Variants in PTPRK observed in about 807,000 individuals in gnomAD.
The protein encoded by PTPRK is protein tyrosine phosphatase receptor type K.
PTPRK carries 75 observed loss-of-function variants against 178.0 expected under a neutral mutation model. The ratio of observed to expected loss-of-function variants is 0.42; its 90% CI spans 0.35 to 0.51. PTPRK has a LOEUF of 0.51. PTPRK is among the 20% of genes least tolerant of loss of function. PTPRK has a pLI of 0.02. For missense variants in PTPRK, 1,441 were observed against 1,797.8 expected (o/e 0.80, Z 3.59); for synonymous variants, 637 against 620.6 (o/e 1.03, Z -0.39).
Position 127,990,769 on chromosome 6 carries a change from C to G in PTPRK, c.3096G>C (p.Arg1032Ser). The change falls in exon 21 of 30, where the codon AGG becomes AGC. Residue 1032 changes from arginine (R) to serine (S), a missense_variant and splice_region_variant. Arg to Ser is a moderately radical substitution (Grantham distance 110, BLOSUM62 -1). Around this residue, in one of 4 missense-constraint regions of PTPRK, gnomAD observed 945 missense variants for 1,080.6 expected, o/e 0.87. Transcript: ENST00000368226. Reference protein sequence around the residue: ...EYVVRTFTLERRGYNEIREVK... With the variant: ...EYVVRTFTLESRGYNEIREVK... ...TAAAATAGAATTTTAGAGTACTTACCCTTTCCAGGGTGAATGTCCTAACTA... is the reference window on the plus strand; with the variant it reads ...TAAAATAGAATTTTAGAGTACTTACGCTTTCCAGGGTGAATGTCCTAACTA... The G allele has an allele frequency of 1.3e-6, 2 of 1,580,778 alleles. No individual in the cohort carries two copies. The highest frequency in any genetic ancestry group is 2.2e-5 in the South Asian group (2 of 89,522).
At chr6:128,372,366 C>T (rs781773077) in intron 2 of PTPRK, among the ~76,000 whole-genome samples, 14 of 152,066 alleles carry the variant, frequency 9.2e-5, no homozygotes, top group South Asian at 2.1e-4. Context: ...ATTTTTTTAA[C>T]GCTTTGGGTG....
At chr6:128,191,724 GA>G (rs149545394) in intron 6 of PTPRK, among the ~76,000 whole-genome samples, 20,300 of 148,552 alleles carry the variant, frequency 0.14, 1,796 homozygotes, top group East Asian at 0.35. Context: ...AATCTGAAGC[GA>G]AAAAAAAAAT....
intron 7 of PTPRK, among the ~76,000 whole-genome samples, chr6:128,129,674 G>A (rs1793915238): frequency 6.6e-6 from 1 of 151,996 alleles, no homozygotes; most frequent in African/African-American, 2.4e-5. Flanking sequence ...GTGTACAGAC[G>A]AATGTATAAA....
intron 18 of PTPRK, chr6:127,995,145 A>C: frequency 1.8e-6 from 2 of 1,125,268 alleles, no homozygotes; most frequent in Non-Finnish European, 2.6e-6. Context: ...AATTAGGTGA[A>C]GCATGCAGAA....
chr6:128,051,278 A>C (rs542341330), intron 13 of PTPRK, among the ~76,000 whole-genome samples: 42 of 152,324 alleles, frequency 2.8e-4, no homozygotes, highest in African/African-American at 9.1e-4. Context: ...ACCATGCTTA[A>C]TAATTCTTTC....
chr6:128,344,101 G>C (rs1562321711), intron 2 of PTPRK, among the ~76,000 whole-genome samples: 1 of 152,196 alleles, frequency 6.6e-6, no homozygotes, highest in Non-Finnish European at 1.5e-5. Flanking sequence ...CCAAGCATTT[G>C]ATAGAACGTG....
chr6:128,247,352 G>C (rs1815659122), intron 3 of PTPRK, among the ~76,000 whole-genome samples: 1 of 151,684 alleles, frequency 6.6e-6, no homozygotes, highest in African/African-American at 2.4e-5. Flanking sequence ...CAGATTCTTG[G>C]TCTGTCACAC....
At chr6:128,186,487 CAT>C (rs1802785506) in intron 6 of PTPRK, among the ~76,000 whole-genome samples, 1 of 152,060 alleles carries the variant, frequency 6.6e-6, no homozygotes, top group South Asian at 2.1e-4. Context: ...AAGTGGTTAA[CAT>C]ATGATTTACA....
rs1463604526 is a variant in PTPRK, at chr6:128,519,161, A to G, written c.100+1098T>C. On this transcript the variant is annotated intron_variant, in intron 1 of 29. Transcript: ENST00000368226. The surrounding 1 kb of genome is among the most constrained non-coding windows in gnomAD (Gnocchi z 4.3). ...GCGAAGCTGGGTAGGTTGGCCAGAA[A>G]AGTTGTCAGGACTGGCGGGAGGTAG... 1 of 485,032 alleles carries G rather than the reference A, an allele frequency of 2.1e-6. No individual in the cohort carries two copies. Among genetic ancestry groups the G allele is most frequent in the African/African-American group, 2.0e-5 (1 of 50,636 alleles). 30.0% of individuals were successfully genotyped at this position (485,032 alleles called of 1,614,324 possible).
chr6:128,317,120 C>T (rs900580857), intron 3 of PTPRK, among the ~76,000 whole-genome samples: 4 of 151,986 alleles, frequency 2.6e-5, no homozygotes, highest in Non-Finnish European at 4.4e-5. Context: ...CTAGTTGTGG[C>T]TAACTTCAGA....
At chr6:128,005,917 CTT>C (rs890088564) in intron 14 of PTPRK, 3 of 827,666 alleles carry the variant, frequency 3.6e-6, no homozygotes, top group Non-Finnish European at 5.2e-6. Flanking sequence ...TCTGAAAAAA[CTT>C]TTTTTTTGAA....
rs79723285 is a variant in PTPRK at position 128,141,534 on chromosome 6, T to C, written c.1162+42898A>G. ...AAAAGCATAAACAAAACAAAACTCC[T>C]CACCTAAAATCCTGTTGAGATTTGG... is the stretch of plus-strand genomic sequence containing the variant. On this transcript the variant is annotated intron_variant, in intron 7 of 29. Coordinates refer to ENST00000368226, the MANE Select transcript of PTPRK (RefSeq NM_002844.4). Among the ~76,000 whole-genome samples the C allele has an allele frequency of 5.3e-4, 81 of 151,666 alleles. No homozygotes were observed. The East Asian group carries it at 0.015, about 28-fold the overall frequency.
intron 1 of PTPRK, among the ~76,000 whole-genome samples, chr6:128,459,304 C>T (rs906059516): frequency 2.6e-5 from 4 of 152,108 alleles, no homozygotes; most frequent in African/African-American, 4.8e-5. Context: ...TAGCCCATAG[C>T]TTTTATGCCC....
chr6:128,332,185 C>A (rs1830364808), intron 2 of PTPRK, among the ~76,000 whole-genome samples: 1 of 152,140 alleles, frequency 6.6e-6, no homozygotes, highest in Admixed American at 6.5e-5. Context: ...AAAACAAGTA[C>A]TTGGCCATTA....
intron 5 of PTPRK, among the ~76,000 whole-genome samples, chr6:128,235,135 A>G (rs2128280799): frequency 6.6e-6 from 1 of 152,300 alleles, no homozygotes; most frequent in African/African-American, 2.4e-5. Context: ...ATAAATATGT[A>G]CAAGTAGTAT....
intron 11 of PTPRK, among the ~76,000 whole-genome samples, chr6:128,074,828 T>C (rs1261233977): frequency 2.0e-5 from 3 of 152,030 alleles, no homozygotes; most frequent in African/African-American, 7.2e-5. Context: ...TTCACTGTGG[T>C]CATTACTTCT....
rs750733128 is a variant in PTPRK, at chr6:128,184,724, T to A, written c.870A>T (p.Glu290Asp). 1 of 1,612,630 alleles carries A rather than the reference T, an allele frequency of 6.2e-7. No homozygotes were observed. Among genetic ancestry groups the A allele is most frequent in the Non-Finnish European group, 8.5e-7 (1 of 1,179,076 alleles). Residue 290 changes from glutamate to aspartate, a missense_variant and splice_region_variant, in exon 7 of 30, where the codon GAA becomes GAT. Glu to Asp is a conservative substitution (Grantham distance 45). This residue lies in a region of PTPRK where 945 missense variants were observed against 1,080.6 expected (regional missense o/e 0.87). Coordinates refer to ENST00000368226, the MANE Select transcript of PTPRK (RefSeq NM_002844.4). ...VSNFAQLIVREPPRPIAPPQL... is the reference protein window; with the variant it reads ...VSNFAQLIVRDPPRPIAPPQL... ...GAGGAGGAGCAATGGGTCTTGGCGG[T>A]TCTAGGAGAGATGAGTGTGCACTTC...
Position 128,055,996 on chromosome 6 carries a change from T to C in PTPRK, c.2194+8762A>G, listed in dbSNP as rs181277369. Among the ~76,000 whole-genome samples the C allele has an allele frequency of 2.0e-4, 30 of 151,072 alleles. 1 individual carries two copies. In the East Asian group the frequency reaches 4.8e-3, roughly 24 times the overall value. ...TTTTTTTTCTTTTTCTTTTCTTTTT[T>C]TTTTTTTTTTTAAATCTTGGAATTA... is the stretch of plus-strand genomic sequence containing the variant. On this transcript the variant is annotated intron_variant, in intron 13 of 29. Transcript: ENST00000368226.
intron 7 of PTPRK, among the ~76,000 whole-genome samples, chr6:128,090,936 C>A (rs1018586351): frequency 2.6e-5 from 4 of 152,154 alleles, no homozygotes; most frequent in Non-Finnish European, 4.4e-5. Context: ...TAGTCAAATT[C>A]TTGCTAAATG....
Sources: gnomAD v4.1 joint callset for allele counts (sites outside exome capture counted in the v4.1 genomes callset) on GRCh38, gnomAD v4.1.1 for gene constraint, gnomAD v4.1.1 regional missense constraint, Gnocchi (gnomAD v3.1) non-coding constraint, MANE v1.5 for transcripts, NCBI Gene and HGNC (gene_info 2026-07-23, HGNC 2026-07-21) for gene names.